TMEM178B: variants seen among roughly 807,000 people sequenced by gnomAD.
TMEM178B encodes the protein transmembrane protein 178B.
TMEM178B carries 5 observed loss-of-function variants against 31.0 expected under a neutral mutation model. The ratio of observed to expected loss-of-function variants is 0.16; its 90% confidence interval spans 0.08 to 0.34. The LOEUF (loss-of-function observed/expected upper bound fraction) is 0.34, where lower values mean the gene tolerates loss of function less well. TMEM178B is among the 10% of genes least tolerant of loss of function. TMEM178B has a pLI of 1.00. For synonymous variants in TMEM178B, 164 were observed against 164.0 expected (o/e 1.00, Z 0.00); for missense variants, 275 against 400.3 (o/e 0.69, Z 2.67).
chr7:141,192,563 G>A (rs950584341), intron 1 of TMEM178B, among the ~76,000 whole-genome samples: 13 of 150,504 alleles, frequency 8.6e-5, no homozygotes, highest in Admixed American at 2.0e-4. Flanking sequence ...ATCTTGGCTC[G>A]TTGCCAAGCT....
At chr7:141,235,708 G>T (rs1280544228) in intron 2 of TMEM178B, among the ~76,000 whole-genome samples, 1 of 152,198 alleles carries the variant, frequency 6.6e-6, no homozygotes, top group African/African-American at 2.4e-5. Context: ...ACAGTTGATT[G>T]TCTATGCATA....
At chr7:141,110,112 A>G (rs1256001216) in intron 1 of TMEM178B, among the ~76,000 whole-genome samples, 5 of 152,244 alleles carry the variant, frequency 3.3e-5, no homozygotes, top group Non-Finnish European at 7.3e-5. Flanking sequence ...GGATTTTAGC[A>G]GCTTATTTCT....
Position 141,147,792 on chromosome 7 carries a change from C to G in TMEM178B, c.383-64799C>G, listed in dbSNP as rs561352575. Among the ~76,000 whole-genome samples the G allele has an allele frequency of 1.6e-4, 25 of 152,196 alleles. 1 individual carries two copies. The highest frequency in any genetic ancestry group is 6.0e-4 in the African/African-American group (25 of 41,522). ...GAGGATGTATTGAGTTTGGGGTACC[C>G]ACAGGACATCCAGTTAAAGATGTTA... On this transcript the variant is annotated intron_variant, in intron 1 of 3. Transcript: ENST00000565468.
At chr7:141,466,173 C>G (rs1376262132) in intron 3 of TMEM178B, among the ~76,000 whole-genome samples, 2 of 152,174 alleles carry the variant, frequency 1.3e-5, no homozygotes, top group Non-Finnish European at 2.9e-5. Context: ...TAAGGGCCAT[C>G]TCAAGTGGGA....
At chr7:141,391,630 C>T (rs1442937521) in intron 2 of TMEM178B, among the ~76,000 whole-genome samples, 2 of 152,172 alleles carry the variant, frequency 1.3e-5, no homozygotes, top group Non-Finnish European at 2.9e-5. Context: ...CCATCCATCT[C>T]CAGAACTTTT....
intron 2 of TMEM178B, among the ~76,000 whole-genome samples, chr7:141,389,958 C>G (rs1218624480): frequency 6.6e-6 from 1 of 152,130 alleles, no homozygotes; most frequent in African/African-American, 2.4e-5. Flanking sequence ...CGAGCAGTCT[C>G]TGACAGAAGG....
At chr7:141,383,905 C>T (rs1389886263) in intron 2 of TMEM178B, among the ~76,000 whole-genome samples, 2 of 152,140 alleles carry the variant, frequency 1.3e-5, no homozygotes, top group Non-Finnish European at 2.9e-5. Flanking sequence ...TTAATGATCG[C>T]CATTCTAACT....
At chr7:141,438,175 C>T (rs1801584436) in intron 3 of TMEM178B, among the ~76,000 whole-genome samples, 1 of 152,136 alleles carries the variant, frequency 6.6e-6, no homozygotes. Context: ...AGTCTATCTT[C>T]ACCTCTGACT....
intron 2 of TMEM178B, among the ~76,000 whole-genome samples, chr7:141,217,580 C>CTTCA (rs1418089477): frequency 6.6e-6 from 1 of 151,800 alleles, no homozygotes; most frequent in East Asian, 1.9e-4. Context: ...ATTAGCTTTA[C>CTTCA]TTCAGCCTGG....
intron 2 of TMEM178B, among the ~76,000 whole-genome samples, chr7:141,217,143 T>A (rs1797169875): frequency 6.6e-6 from 1 of 152,230 alleles, no homozygotes; most frequent in African/African-American, 2.4e-5. Context: ...CTTTATATGC[T>A]TTTCATATCC....
the TMEM178B span, among the ~76,000 whole-genome samples, chr7:141,504,796 A>G: frequency 2.0e-5 from 3 of 152,238 alleles, no homozygotes; most frequent in Non-Finnish European, 4.4e-5. Flanking sequence ...TCACCTGGGT[A>G]GTGTATATTG....
intron 2 of TMEM178B, among the ~76,000 whole-genome samples, chr7:141,298,117 G>A (rs1273607588): frequency 6.6e-6 from 1 of 152,134 alleles, no homozygotes; most frequent in Non-Finnish European, 1.5e-5. Flanking sequence ...GTGATGATGA[G>A]CATTTTTTCA....
chr7:141,100,302 G>A (rs140723180), intron 1 of TMEM178B, among the ~76,000 whole-genome samples: 51 of 151,668 alleles, frequency 3.4e-4, no homozygotes, highest in African/African-American at 1.1e-3. Flanking sequence ...TACTGGATAC[G>A]TCCATCTTTT....
chr7:141,232,139 C>T (rs554260705), intron 2 of TMEM178B, among the ~76,000 whole-genome samples: 7 of 152,206 alleles, frequency 4.6e-5, no homozygotes, highest in African/African-American at 1.7e-4. Flanking sequence ...AGGACATGCT[C>T]TCTTTCCATT....
At chr7:141,388,262 C>T (rs770802944) in intron 2 of TMEM178B, among the ~76,000 whole-genome samples, 6 of 152,166 alleles carry the variant, frequency 3.9e-5, no homozygotes, top group Non-Finnish European at 7.3e-5. Context: ...CGTAAGAACT[C>T]GCCCTGGACC....
At chr7:141,282,065 A>G (rs189850985) in intron 2 of TMEM178B, among the ~76,000 whole-genome samples, 20 of 152,304 alleles carry the variant, frequency 1.3e-4, no homozygotes, top group Non-Finnish European at 1.9e-4. Context: ...GTTTGGGTGA[A>G]CAGTGCTACA....
intron 1 of TMEM178B, among the ~76,000 whole-genome samples, chr7:141,162,215 C>T (rs1484437830): frequency 6.6e-6 from 1 of 152,232 alleles, no homozygotes; most frequent in Non-Finnish European, 1.5e-5. Context: ...CGCCTTGCGC[C>T]CTGCAGCTCC....
intron 1 of TMEM178B, among the ~76,000 whole-genome samples, chr7:141,151,135 G>A (rs577209710): frequency 2.6e-5 from 4 of 152,214 alleles, no homozygotes; most frequent in East Asian, 3.9e-4. Flanking sequence ...AAAATGGGAC[G>A]AACACTCAAA....
chr7:141,356,049 C>CT (rs1799812443), intron 2 of TMEM178B, among the ~76,000 whole-genome samples: 2 of 152,176 alleles, frequency 1.3e-5, no homozygotes. Context: ...TGATTTCATG[C>CT]TTTTTTATGA....
Sources: allele counts gnomAD v4.1 joint callset (sites outside exome capture counted in the v4.1 genomes callset), GRCh38; gene constraint gnomAD v4.1.1; transcripts MANE v1.5; gene names NCBI Gene and HGNC (gene_info 2026-07-23, HGNC 2026-07-21).